The following CCSER1 variants were observed in gnomAD, a reference collection of about 807,000 sequenced individuals.
CCSER1 encodes the protein serine-rich coiled-coil domain-containing protein 1.
Under a neutral mutation model 82.0 loss-of-function variants are expected in CCSER1, and 41 were observed. The ratio of observed to expected loss-of-function variants is 0.50; its 90% CI spans 0.39 to 0.65. CCSER1 has a LOEUF of 0.65. Ranked by LOEUF, CCSER1 falls within the 30% of genes least tolerant of loss-of-function variation. The pLI is 0.00. For synonymous variants in CCSER1, 414 were observed against 383.9 expected, an observed-to-expected ratio of 1.08 and a Z score of -0.92; for missense variants, 1,119 against 1,064.2, an observed-to-expected ratio of 1.05 and a Z score of -0.72.
At chr4:91,007,705 C>T (rs1352248069) in intron 9 of CCSER1, among the ~76,000 whole-genome samples, 7 of 142,150 alleles carry the variant, frequency 4.9e-5, no homozygotes, top group Admixed American at 7.0e-5. Context: ...TTTTGTTGAT[C>T]TTTTGTATTG....
chr4:90,708,432 A>G (rs1418179540), intron 6 of CCSER1, among the ~76,000 whole-genome samples: 1 of 152,188 alleles, frequency 6.6e-6, no homozygotes, highest in Non-Finnish European at 1.5e-5. Context: ...CAAGAAAAGT[A>G]ATATTTCTTT....
At chr4:90,474,125 G>A (rs1410032312) in intron 5 of CCSER1, among the ~76,000 whole-genome samples, 1 of 142,832 alleles carries the variant, frequency 7.0e-6, no homozygotes, top group Non-Finnish European at 1.5e-5. Context: ...TGGTGACAGA[G>A]CAAGATTCCC....
At chr4:90,822,061 T>C (rs907712063) in intron 8 of CCSER1, among the ~76,000 whole-genome samples, 11 of 152,288 alleles carry the variant, frequency 7.2e-5, no homozygotes, top group African/African-American at 2.4e-4. Flanking sequence ...AAAGTATATT[T>C]GGTATTTATT....
intron 9 of CCSER1, among the ~76,000 whole-genome samples, chr4:90,967,452 G>GA (rs967748655): frequency 5.2e-4 from 75 of 144,994 alleles, no homozygotes; most frequent in East Asian, 2.0e-3. Context: ...TTGTCTCAAA[G>GA]AAAAAAAAAA....
intron 1 of CCSER1, among the ~76,000 whole-genome samples, chr4:90,169,033 G>T (rs990426393): frequency 2.6e-5 from 4 of 152,088 alleles, no homozygotes; most frequent in African/African-American, 9.6e-5. Flanking sequence ...GTAGCTTGAT[G>T]GGGATGGCAC....
chr4:90,415,530 T>C (rs1254672323), intron 4 of CCSER1, among the ~76,000 whole-genome samples: 2 of 152,202 alleles, frequency 1.3e-5, no homozygotes, highest in African/African-American at 4.8e-5. Flanking sequence ...TATTAAGCAA[T>C]GTTATTTCCT....
chr4:91,202,679 G>A (rs1181195455), intron 10 of CCSER1, among the ~76,000 whole-genome samples: 1 of 47,754 alleles, frequency 2.1e-5, no homozygotes, highest in African/African-American at 1.0e-4. Context: ...TGTAGTCACT[G>A]TCCGTAGACC....
chr4:91,008,725 G>A (rs1738735274), intron 9 of CCSER1, among the ~76,000 whole-genome samples: 1 of 152,198 alleles, frequency 6.6e-6, no homozygotes, highest in Non-Finnish European at 1.5e-5. Flanking sequence ...TATGTAAAGA[G>A]TTACTACTGA....
chr4:91,212,628 G>A (rs1736912513), intron 10 of CCSER1, among the ~76,000 whole-genome samples: 1 of 152,032 alleles, frequency 6.6e-6, no homozygotes, highest in South Asian at 2.1e-4. Context: ...ATTTAATTTT[G>A]GAGAAACTGT....
At chr4:91,585,571 C>A (rs1763948545) in intron 10 of CCSER1, among the ~76,000 whole-genome samples, 1 of 151,286 alleles carries the variant, frequency 6.6e-6, no homozygotes, top group Admixed American at 6.6e-5. Flanking sequence ...GTTGTGTTTG[C>A]ATTTGGAAGG....
chr4:91,004,614 T>C (rs1738340402), intron 9 of CCSER1, among the ~76,000 whole-genome samples: 2 of 152,230 alleles, frequency 1.3e-5, no homozygotes, highest in African/African-American at 2.4e-5. Context: ...CCTGAGTATG[T>C]GATTTTGTGT....
intron 10 of CCSER1, among the ~76,000 whole-genome samples, chr4:91,457,594 C>G (rs1756260552): frequency 6.6e-6 from 1 of 151,932 alleles, no homozygotes. Flanking sequence ...TGCTTGATAC[C>G]AGGAGGTCGA....
At chr4:91,567,713 T>C (rs1435622743) in intron 10 of CCSER1, among the ~76,000 whole-genome samples, 1 of 152,126 alleles carries the variant, frequency 6.6e-6, no homozygotes, top group Non-Finnish European at 1.5e-5. Flanking sequence ...TTTTTTTCTA[T>C]TTTCCATTTT....
intron 3 of CCSER1, among the ~76,000 whole-genome samples, chr4:90,351,842 A>T (rs935796418): frequency 3.9e-5 from 6 of 152,216 alleles, no homozygotes; most frequent in Non-Finnish European, 8.8e-5. Flanking sequence ...ACTTAGTCAT[A>T]ATAAATAGAA....
At chr4:90,155,729 C>G (rs1727994694) in intron 1 of CCSER1, among the ~76,000 whole-genome samples, 1 of 152,156 alleles carries the variant, frequency 6.6e-6, no homozygotes, top group Non-Finnish European at 1.5e-5. Context: ...TCCCCTTTAT[C>G]ATTTTTTATT....
At chr4:90,900,147 C>T (rs1724415278) in intron 8 of CCSER1, among the ~76,000 whole-genome samples, 1 of 103,212 alleles carries the variant, frequency 9.7e-6, no homozygotes, top group South Asian at 3.1e-4. Flanking sequence ...TTTTGGAACT[C>T]ATTATTGGTA....
chr4:90,836,410 A>G (rs992366792), intron 8 of CCSER1, among the ~76,000 whole-genome samples: 12 of 151,900 alleles, frequency 7.9e-5, no homozygotes, highest in African/African-American at 2.9e-4. Flanking sequence ...TTTGACTCAC[A>G]AGCTTTGCTT....
At chr4:90,633,504 A>T (rs76279884) in intron 6 of CCSER1, among the ~76,000 whole-genome samples, 4,358 of 152,044 alleles carry the variant, frequency 0.029, 201 homozygotes, top group African/African-American at 0.1. Flanking sequence ...CTGTATTTTT[A>T]AAATTATCTG....
intron 3 of CCSER1, among the ~76,000 whole-genome samples, chr4:90,363,737 G>C (rs6851577): frequency 4.0e-5 from 6 of 151,710 alleles, no homozygotes; most frequent in Non-Finnish European, 7.4e-5. Flanking sequence ...TAAACTTAAC[G>C]TATCTTATAA....
Sources: allele counts gnomAD v4.1 joint callset (sites outside exome capture counted in the v4.1 genomes callset), GRCh38; gene constraint gnomAD v4.1.1; transcripts MANE v1.5; gene names NCBI Gene and HGNC (gene_info 2026-07-23, HGNC 2026-07-21).